The following KCTD20 variants were observed in gnomAD, a reference collection of about 807,000 sequenced individuals.
The protein encoded by KCTD20 is BTB/POZ domain-containing protein KCTD20.
In KCTD20, 30 loss-of-function variants were observed where a neutral mutation model predicts 39.6. The ratio of observed to expected loss-of-function variants is 0.76; its 90% CI spans 0.57 to 1.03. The LOEUF is 1.03. Among genes scored for constraint, KCTD20 ranks in the 50% least tolerant of loss-of-function variants. The pLI is 0.00. For missense variants in KCTD20, 422 were observed against 522.0 expected (o/e 0.81, Z 1.87); for synonymous variants, 162 against 180.6 (o/e 0.90, Z 0.83).
chr6:36,449,390 A>T (rs781564538), intron 1 of KCTD20, among the ~76,000 whole-genome samples: 1 of 150,200 alleles, frequency 6.7e-6, no homozygotes, highest in East Asian at 1.9e-4. Flanking sequence ...CAGAGCGCTG[A>T]TTGATAGACA....
At chr6:36,455,194 G>A (rs1167186353) in intron 1 of KCTD20, among the ~76,000 whole-genome samples, 1 of 151,914 alleles carries the variant, frequency 6.6e-6, no homozygotes, top group Non-Finnish European at 1.5e-5. Flanking sequence ...GATCACCTGA[G>A]GTCAGGAGTT....
At chr6:36,460,121 T>C (rs912677007) in intron 1 of KCTD20, among the ~76,000 whole-genome samples, 2 of 152,276 alleles carry the variant, frequency 1.3e-5, no homozygotes, top group East Asian at 1.9e-4. Context: ...GTTGACCAGC[T>C]TTTTTGTAGG....
intron 7 of KCTD20, among the ~76,000 whole-genome samples, chr6:36,485,829 A>G (rs1776403929): frequency 6.7e-6 from 1 of 149,778 alleles, no homozygotes; most frequent in African/African-American, 2.5e-5. Context: ...GTGCTTTGCT[A>G]CTCTTGTTGC....
intron 1 of KCTD20, among the ~76,000 whole-genome samples, chr6:36,460,453 A>G (rs1775569370): frequency 6.6e-6 from 1 of 152,034 alleles, no homozygotes; most frequent in East Asian, 1.9e-4. Flanking sequence ...ACAGGTGCCC[A>G]CCATCACACC....
At chr6:36,452,487 G>A (rs1439372907) in intron 1 of KCTD20, 2 of 150,430 alleles carry the variant, frequency 1.3e-5, no homozygotes, top group Non-Finnish European at 3.0e-5. Flanking sequence ...CTCATGGGAT[G>A]TGTACTGATA....
At chr6:36,473,911 G>A (rs1382961682) in intron 2 of KCTD20, among the ~76,000 whole-genome samples, 1 of 152,180 alleles carries the variant, frequency 6.6e-6, no homozygotes, top group East Asian at 1.9e-4. Flanking sequence ...TTTCTGCTGA[G>A]AGTAAGACCT....
chr6:36,458,169 C>T (rs1171721284), intron 1 of KCTD20, among the ~76,000 whole-genome samples: 7 of 152,308 alleles, frequency 4.6e-5, no homozygotes, highest in Non-Finnish European at 2.9e-5. Context: ...CCTCCCATCT[C>T]AGCCTCCTGA....
intron 2 of KCTD20, among the ~76,000 whole-genome samples, chr6:36,473,969 T>C (rs954736208): frequency 6.6e-6 from 1 of 152,190 alleles, no homozygotes; most frequent in African/African-American, 2.4e-5. Flanking sequence ...CTCCTGTACA[T>C]AGTGAAAATG....
At chr6:36,486,155 G>C (rs1313700103) in intron 7 of KCTD20, among the ~76,000 whole-genome samples, 8 of 152,098 alleles carry the variant, frequency 5.3e-5, no homozygotes, top group African/African-American at 1.9e-4. Context: ...CGATCCTCCT[G>C]CCTTGGCCTC....
rs1222888230 is a variant in KCTD20, at chr6:36,483,331, A to G, written c.857-1383A>G. ...GGGTTCAAGTGATTCTCATGCCTCAACCTCCCAAGAAGCTGGGACTACAGG... is the reference window on the plus strand; with the variant it reads ...GGGTTCAAGTGATTCTCATGCCTCAGCCTCCCAAGAAGCTGGGACTACAGG... On this transcript the variant is annotated intron_variant, in intron 6 of 7. Coordinates refer to ENST00000373731, the MANE Select transcript of KCTD20 (RefSeq NM_173562.5). Among the ~76,000 whole-genome samples, 4 of 137,592 alleles carry G rather than the reference A, an allele frequency of 2.9e-5. No individual in the cohort carries two copies. The Admixed American group carries it at 3.3e-4, about 11-fold the overall frequency. 90.3% of individuals were successfully genotyped at this position (137,592 alleles called of 152,430 possible). A position where few individuals can be genotyped will look rare whatever the true frequency, so the allele number is the denominator to read the frequency against.
Position 36,474,984 on chromosome 6 carries a change from T to G in KCTD20, c.356T>G (p.Val119Gly). The G allele has an allele frequency of 6.2e-7, 1 of 1,614,132 alleles. No individual in the cohort carries two copies. Among genetic ancestry groups the G allele is most frequent in the Non-Finnish European group, 8.5e-7 (1 of 1,179,996 alleles). ...TCCCATTCCCAAGCACCAGAGAAAGTGACGCTTCTTGTAGATGGCACACGT... is the reference window on the plus strand; with the variant it reads ...TCCCATTCCCAAGCACCAGAGAAAGGGACGCTTCTTGTAGATGGCACACGT... ...SNSHSQAPEK[V>G]TLLVDGTRFV... The change falls in exon 3 of 8, where the codon GTG becomes GGG. Residue 119 changes from valine to glycine, a missense_variant. Physicochemically the swap from Val to Gly is moderately radical, Grantham distance 109. Coordinates refer to ENST00000373731, the MANE Select transcript of KCTD20 (RefSeq NM_173562.5).
At chr6:36,481,841 G>A (rs1268378673) in intron 6 of KCTD20, 82 bp downstream of exon 6, 4 of 1,168,814 alleles carry the variant, frequency 3.4e-6, no homozygotes, top group East Asian at 4.9e-5. Flanking sequence ...GAACCAATGT[G>A]AATATCAATG....
intron 6 of KCTD20, among the ~76,000 whole-genome samples, chr6:36,482,595 CTA>C (rs1173786085): frequency 6.6e-6 from 1 of 151,796 alleles, no homozygotes; most frequent in Non-Finnish European, 1.5e-5. Flanking sequence ...TTTTGTGGCT[CTA>C]TAGTGTTCCT....
At chr6:36,473,211 C>A (rs1431427982) in intron 2 of KCTD20, among the ~76,000 whole-genome samples, 1 of 152,016 alleles carries the variant, frequency 6.6e-6, no homozygotes, top group African/African-American at 2.4e-5. Context: ...CAGGCACCCG[C>A]CACCACACTC....
chr6:36,474,110 C>T (rs1290859341), intron 2 of KCTD20, among the ~76,000 whole-genome samples: 1 of 152,000 alleles, frequency 6.6e-6, no homozygotes, highest in Non-Finnish European at 1.5e-5. Flanking sequence ...TTTTAGGGTA[C>T]ATGTGCACAT....
At chr6:36,481,151 G>A (rs527244964) in intron 5 of KCTD20, among the ~76,000 whole-genome samples, 18 of 152,304 alleles carry the variant, frequency 1.2e-4, no homozygotes, top group African/African-American at 4.3e-4. Context: ...CACATTTAGA[G>A]TAAGTCCTTT....
In KCTD20 at chr6:36,449,339, CAG is replaced by C. The variant is rs1009434017; in HGVS notation, c.-47+6231_-47+6232del. Among the ~76,000 whole-genome samples, 5 of 148,824 alleles carry C rather than the reference CAG, an allele frequency of 3.4e-5. No homozygotes were observed. The South Asian group carries it at 6.4e-4, about 19-fold the overall frequency. On this transcript the variant is annotated intron_variant, in intron 1 of 7. Coordinates refer to ENST00000373731, the MANE Select transcript of KCTD20 (RefSeq NM_173562.5). The stretch of plus-strand genomic sequence containing the variant: ...CAGAGCACTGATTGGTGCGTTTTTA[CAG>C]AGTGCTGATTGGTGCATTTACAAAC...
At chr6:36,448,003 GTA>G (rs1175216372) in intron 1 of KCTD20, among the ~76,000 whole-genome samples, 9 of 45,744 alleles carry the variant, frequency 2.0e-4, no homozygotes, top group African/African-American at 3.6e-4. Flanking sequence ...AAATATATGT[GTA>G]TGTGTGTGTG....
chr6:36,478,580 C>T (rs371069097), intron 3 of KCTD20, among the ~76,000 whole-genome samples: 2 of 152,196 alleles, frequency 1.3e-5, no homozygotes, highest in East Asian at 1.9e-4. Context: ...ACTATTAAGA[C>T]ATACCAAGAA....
Sources: allele counts gnomAD v4.1 joint callset (sites outside exome capture counted in the v4.1 genomes callset), GRCh38; gene constraint gnomAD v4.1.1; transcripts MANE v1.5; gene names NCBI Gene and HGNC (gene_info 2026-07-23, HGNC 2026-07-21).